MCF2L: variants seen among roughly 807,000 people sequenced by gnomAD.
MCF2L encodes MCF.2 cell line derived transforming sequence like.
In MCF2L, 97 loss-of-function variants were observed where a neutral mutation model predicts 153.4. The ratio of observed to expected loss-of-function variants is 0.63; its 90% CI spans 0.54 to 0.75. The LOEUF is 0.75. Ranked by LOEUF, MCF2L falls within the 30% of genes least tolerant of loss-of-function variation. The probability of loss-of-function intolerance (pLI) is 0.00; values close to 1 mark genes in which losing one functional copy is unlikely to be tolerated. For missense variants in MCF2L, 1,347 were observed against 1,495.2 expected (o/e 0.90, Z 1.64); for synonymous variants, 659 against 632.2 (o/e 1.04, Z -0.64).
At chr13:113,013,621 A>C (rs2084314927) in intron 1 of MCF2L, among the ~76,000 whole-genome samples, 1 of 152,208 alleles carries the variant, frequency 6.6e-6, no homozygotes, top group Non-Finnish European at 1.5e-5. Flanking sequence ...CCTCTGTCCC[A>C]TATCTTCAGG....
At chr13:112,936,196 C>T (rs949692679) in intron 2 of MCF2L, among the ~76,000 whole-genome samples, 3 of 147,678 alleles carry the variant, frequency 2.0e-5, no homozygotes, top group Admixed American at 7.0e-5. Flanking sequence ...AGGAGAATCA[C>T]TTGAACCCGG....
intron 1 of MCF2L, among the ~76,000 whole-genome samples, chr13:112,990,562 G>A (rs1280772534): frequency 1.3e-5 from 2 of 152,358 alleles, no homozygotes; most frequent in East Asian, 3.9e-4. Flanking sequence ...CTTGCAAGGA[G>A]ACCTTTGCTT....
At chr13:113,061,305 T>G (rs2031366438) in intron 5 of MCF2L, among the ~76,000 whole-genome samples, 1 of 152,074 alleles carries the variant, frequency 6.6e-6, no homozygotes, top group African/African-American at 2.4e-5. Context: ...CTGCTGTCCT[T>G]TAAAGAACAA....
At chr13:113,061,293 A>T (rs2031365746) in intron 5 of MCF2L, among the ~76,000 whole-genome samples, 1 of 152,052 alleles carries the variant, frequency 6.6e-6, no homozygotes, top group South Asian at 2.1e-4. Context: ...TTCAGTCCTG[A>T]TCTGCTGTCC....
At chr13:113,081,123 A>C in intron 15 of MCF2L, 90 bp from the exon 16 acceptor site, 1 of 1,105,254 alleles carries the variant, frequency 9.0e-7, no homozygotes, top group Non-Finnish European at 1.3e-6. Context: ...GCAGGCCATC[A>C]TTCTAGGTGG....
intron 1 of MCF2L, among the ~76,000 whole-genome samples, chr13:112,972,056 A>G (rs2082054480): frequency 6.6e-6 from 1 of 152,236 alleles, no homozygotes; most frequent in Non-Finnish European, 1.5e-5. Context: ...CTGATAATTG[A>G]CATTTCTTAA....
chr13:113,076,010 A>T lies in MCF2L; in HGVS notation c.1353A>T (p.Gln451His), dbSNP rs977752387. ...AAGGGATTTACCTGCTGGCCTCACAACCTGTGGACAAGTGCCAGTCCCAGG... is the reference window on the plus strand; with the variant it reads ...AAGGGATTTACCTGCTGGCCTCACATCCTGTGGACAAGTGCCAGTCCCAGG... Reference protein sequence around the residue: ...CDEGIYLLASQPVDKCQSQDG... With the variant: ...CDEGIYLLASHPVDKCQSQDG... The change falls in exon 12 of 30, where the codon CAA becomes CAT. Residue 451 changes from glutamine (Q) to histidine (H), a missense_variant. Around this residue, in one of 3 missense-constraint regions of MCF2L, gnomAD observed 820 missense variants for 921.2 expected, o/e 0.89. Coordinates refer to ENST00000535094, the MANE Select transcript of MCF2L (RefSeq NM_001112732.3). The T allele has an allele frequency of 1.9e-6, 3 of 1,613,436 alleles. No homozygotes were observed. Among genetic ancestry groups the T allele is most frequent in the Non-Finnish European group, 2.5e-6 (3 of 1,179,796 alleles).
intron 2 of MCF2L, among the ~76,000 whole-genome samples, chr13:112,928,879 A>G (rs1566644203): frequency 6.6e-6 from 1 of 152,238 alleles, no homozygotes. Context: ...ACATACATGG[A>G]TGGAGGTCTG....
chr13:112,952,909 C>T (rs1214422124), intron 2 of MCF2L, among the ~76,000 whole-genome samples: 3 of 152,264 alleles, frequency 2.0e-5, no homozygotes, highest in East Asian at 1.9e-4. Context: ...AGAGAGAACA[C>T]GGGGCGCCCC....
intron 1 of MCF2L, among the ~76,000 whole-genome samples, chr13:112,976,566 G>A (rs1413731933): frequency 1.3e-5 from 2 of 152,200 alleles, no homozygotes; most frequent in Non-Finnish European, 2.9e-5. Context: ...GTGGCGGACG[G>A]CAGTGTGTGA....
Position 113,081,219 on chromosome 13 carries a change from G to A in MCF2L, c.1815G>A (p.Val605=). The A allele has an allele frequency of 3.8e-6, 6 of 1,585,894 alleles. No individual in the cohort carries two copies. Among genetic ancestry groups the A allele is most frequent in the Non-Finnish European group, 5.1e-6 (6 of 1,166,728 alleles). ...EESLAILRRH[V]MSELLDTERA... Reference sequence around the variant, plus strand: ...CCACATGACCTGCCACCAGGCACGTGATGAGCGAGCTCCTGGACACAGAAC... The same window carrying A: ...CCACATGACCTGCCACCAGGCACGTAATGAGCGAGCTCCTGGACACAGAAC... Residue 605 remains valine, a synonymous_variant, in exon 16 of 30, where the codon GTG becomes GTA. Transcript: ENST00000535094.
At chr13:112,922,182 C>A (rs573278939) in intron 2 of MCF2L, among the ~76,000 whole-genome samples, 2 of 152,132 alleles carry the variant, frequency 1.3e-5, no homozygotes, top group South Asian at 4.2e-4. Context: ...AATTTGAAAG[C>A]GTAGAAGAAA....
intron 26 of MCF2L, chr13:113,090,260 G>A (rs556361531): frequency 7.4e-6 from 10 of 1,357,044 alleles, no homozygotes; most frequent in African/African-American, 4.4e-5. Flanking sequence ...GGGCGGCCAC[G>A]CAAAAGCGTT....
In MCF2L at chr13:113,090,068, A is replaced by G. The variant is rs552554037; in HGVS notation, c.2953+340A>G. On this transcript the variant is annotated intron_variant, in intron 26 of 29. Coordinates refer to ENST00000535094, the MANE Select transcript of MCF2L (RefSeq NM_001112732.3). ...ATAGTTTCTTTCTCTTCCTTCATAG[A>G]TGACACGGTCACTAGCTCTGCCTCA... 1.9e-6 allele frequency: 3 copies of G among 1,560,010 alleles called. No individual in the cohort carries two copies. In the African/African-American group the frequency reaches 4.1e-5, roughly 21 times the overall value.
In MCF2L at chr13:113,063,464, C is replaced by T. The variant is rs12583228; in HGVS notation, c.490-840C>T. ...GTTCAGGCGTCCCTGTCCACACAGC[C>T]GCCCACAGCGTTCAGGCGTCCCTGT... On this transcript the variant is annotated intron_variant, in intron 5 of 29. Transcript: ENST00000535094. Among the ~76,000 whole-genome samples the T allele has an allele frequency of 7.3e-3, 767 of 105,726 alleles. 5 individuals are homozygous for T. Among genetic ancestry groups the T allele is most frequent in the African/African-American group, 0.022 (687 of 31,524 alleles). The allele number at this position is 105,726 out of a possible 152,430, so 69.4% of individuals were successfully genotyped here. A position where few individuals can be genotyped will look rare whatever the true frequency, so the allele number is the denominator to read the frequency against.
intron 18 of MCF2L, 40 bp from the exon 19 acceptor site, chr13:113,084,852 A>G (rs753656101): frequency 1.0e-5 from 15 of 1,486,326 alleles, no homozygotes; most frequent in Admixed American, 3.4e-5. Context: ...TGCGCTGCCC[A>G]TCCCTCACTG....
At position 113,066,087 on chromosome 13, in the gene MCF2L, G is replaced by A. The variant is rs201343566; in HGVS notation, c.798G>A (p.Leu266=). 6.2e-7 allele frequency: 1 copy of A among 1,613,370 alleles called. No individual in the cohort carries two copies. The highest frequency in any genetic ancestry group is 1.7e-5 in the Admixed American group (1 of 60,000). The change falls in exon 8 of 30, where the codon CTG becomes CTA. Residue 266 remains leucine (L), a synonymous_variant. Transcript: ENST00000535094. The part of the protein sequence containing the change: ...RLALKEGHSV[L]ESLRELQAEG... The stretch of plus-strand genomic sequence containing the variant: ...CACTGAAAGAGGGGCACAGTGTCCT[G>A]GAGAGCCTCAGGGAGCTGCAGGCTG...
At chr13:113,039,464 T>C (rs142299027) in intron 3 of MCF2L, among the ~76,000 whole-genome samples, 29 of 152,310 alleles carry the variant, frequency 1.9e-4, no homozygotes, top group African/African-American at 7.0e-4. Flanking sequence ...AAAAGGTCAG[T>C]AAATTGGGCT....
At chr13:112,909,308 TCGGCA>T in intron 2 of MCF2L, 1 of 779,696 alleles carries the variant, frequency 1.3e-6, no homozygotes. Flanking sequence ...CGGGAGGCAC[TCGGCA>T]GTGTGAGTAC....
Sources: gnomAD v4.1 joint callset for allele counts (sites outside exome capture counted in the v4.1 genomes callset) on GRCh38, gnomAD v4.1.1 for gene constraint, gnomAD v4.1.1 regional missense constraint, MANE v1.5 for transcripts, NCBI Gene and HGNC (gene_info 2026-07-23, HGNC 2026-07-21) for gene names.